The following IQSEC1 variants were observed in gnomAD, a reference collection of about 807,000 sequenced individuals.
The protein encoded by IQSEC1 is IQ motif and Sec7 domain ArfGEF 1.
In IQSEC1, 31 loss-of-function variants were observed where a neutral mutation model predicts 91.0. The observed-to-expected ratio is 0.34, with a 90% confidence interval of 0.26 to 0.46. IQSEC1 has a LOEUF of 0.46. Ranked by LOEUF, IQSEC1 falls within the 20% of genes least tolerant of loss-of-function variation. The pLI, the probability that IQSEC1 is intolerant of heterozygous loss-of-function variation, is 1.00. For synonymous variants in IQSEC1, 699 were observed against 662.6 expected (o/e 1.05, Z -0.84); for missense variants, 1,388 against 1,575.6 (o/e 0.88, Z 2.02).
chr3:13,258,965 C>T (rs1695336873), intron 1 of IQSEC1, among the ~76,000 whole-genome samples: 1 of 152,200 alleles, frequency 6.6e-6, no homozygotes, highest in Non-Finnish European at 1.5e-5. Flanking sequence ...CACCTCCATC[C>T]CCTTCCCTGG....
intron 1 of IQSEC1, among the ~76,000 whole-genome samples, chr3:12,954,364 C>T (rs1230891871): frequency 6.6e-6 from 1 of 152,168 alleles, no homozygotes; most frequent in Non-Finnish European, 1.5e-5. Flanking sequence ...TTCAGGGGCT[C>T]GCATGGGAAA....
intron 1 of IQSEC1, among the ~76,000 whole-genome samples, chr3:13,067,359 G>A (rs149873578): frequency 3.1e-4 from 47 of 152,312 alleles, no homozygotes; most frequent in African/African-American, 1.1e-3. Context: ...CAGGAGCAAC[G>A]CCTCCTAAGC....
Position 12,967,371 on chromosome 3 carries a change from C to G in IQSEC1, c.24-25506G>C. On this transcript the variant is annotated intron_variant, in intron 1 of 13. Coordinates refer to ENST00000613206, the MANE Select transcript of IQSEC1 (RefSeq NM_001134382.3). The surrounding 1 kb of genome is among the most constrained non-coding windows in gnomAD (Gnocchi z 5.9). The stretch of plus-strand genomic sequence containing the variant: ...CAGCACCCGGGAAGGCCGCTCGCCC[C>G]GCGCCGCGCCCTCACCCGCTGTCAA... The G allele has an allele frequency of 6.5e-7, 1 of 1,531,400 alleles. No individual in the cohort carries two copies. The highest frequency in any genetic ancestry group is 8.7e-7 in the Non-Finnish European group (1 of 1,142,880). 94.9% of individuals were successfully genotyped at this position (1,531,400 alleles called of 1,614,324 possible).
intron 1 of IQSEC1, among the ~76,000 whole-genome samples, chr3:12,971,324 C>A (rs1235176360): frequency 6.6e-6 from 1 of 152,174 alleles, no homozygotes; most frequent in East Asian, 1.9e-4. Flanking sequence ...ATGAGATGGC[C>A]ACAAGATGGG....
chr3:12,955,650 C>T (rs527486017), intron 1 of IQSEC1, among the ~76,000 whole-genome samples: 61 of 152,368 alleles, frequency 4.0e-4, no homozygotes, highest in African/African-American at 1.4e-3. Context: ...CAACCCCTAA[C>T]GCCAATCCTG....
At chr3:13,222,326 G>C (rs1694677194) in intron 1 of IQSEC1, among the ~76,000 whole-genome samples, 1 of 152,152 alleles carries the variant, frequency 6.6e-6, no homozygotes, top group Non-Finnish European at 1.5e-5. Context: ...TTCCTTTTTA[G>C]GGTGAATCAT....
At chr3:13,252,808 C>T (rs1695219976) in intron 1 of IQSEC1, among the ~76,000 whole-genome samples, 1 of 152,130 alleles carries the variant, frequency 6.6e-6, no homozygotes, top group East Asian at 1.9e-4. Context: ...TCTCAGCTCA[C>T]TGCCAGCTCC....
chr3:12,924,465 C>G lies in IQSEC1; in HGVS notation c.1730+116G>C. ...ACTTAGGAAGAGAGAAAGGGGGGCC[C>G]ACCACATGTCCCAGCAAGTAGGGTG... On this transcript the variant is annotated intron_variant, in intron 4 of 13. Transcript: ENST00000613206. The surrounding 1 kb of genome is among the most constrained non-coding windows in gnomAD (Gnocchi z 6.3). 6 of 1,068,132 alleles carry G rather than the reference C, an allele frequency of 5.6e-6. No individual in the cohort carries two copies. Among genetic ancestry groups the G allele is most frequent in the Non-Finnish European group, 6.6e-6 (5 of 759,128 alleles). The allele number at this position is 1,068,132 out of a possible 1,614,324, so 66.2% of individuals were successfully genotyped here. A position where few individuals can be genotyped will look rare whatever the true frequency, so the allele number is the denominator to read the frequency against.
chr3:12,961,975 A>C (rs970930526), intron 1 of IQSEC1, among the ~76,000 whole-genome samples: 3 of 152,200 alleles, frequency 2.0e-5, no homozygotes, highest in African/African-American at 7.2e-5. Context: ...CTGCCTCCCT[A>C]ACCATTGGGC....
intron 2 of IQSEC1, among the ~76,000 whole-genome samples, chr3:13,161,405 G>A (rs1297021685): frequency 6.6e-6 from 1 of 152,170 alleles, no homozygotes. Flanking sequence ...AGGATCCCAG[G>A]TTTGGGGACG....
chr3:13,053,001 C>A (rs1260317055), intron 1 of IQSEC1: 21 of 1,203,382 alleles, frequency 1.7e-5, no homozygotes, highest in Non-Finnish European at 2.5e-5. Context: ...CCAATGTCTC[C>A]TTTTGGAGTT....
intron 2 of IQSEC1, among the ~76,000 whole-genome samples, chr3:13,144,876 G>A (rs1706862510): frequency 2.0e-5 from 3 of 152,234 alleles, no homozygotes; most frequent in Admixed American, 1.3e-4. Flanking sequence ...GGGCCGAAGC[G>A]AATCCACAGG....
chr3:12,996,165 A>C (rs2125647772), intron 1 of IQSEC1, among the ~76,000 whole-genome samples: 1 of 152,294 alleles, frequency 6.6e-6, no homozygotes, highest in East Asian at 1.9e-4. Context: ...TGTCTCTTAA[A>C]AACACTTTTT....
intron 1 of IQSEC1, among the ~76,000 whole-genome samples, chr3:12,971,603 G>T (rs1241467746): frequency 6.6e-6 from 1 of 152,138 alleles, no homozygotes; most frequent in African/African-American, 2.4e-5. Context: ...ATTTATAAAA[G>T]AATCTACAGA....
rs117782841 is a variant in IQSEC1 at position 13,037,706 on chromosome 3, T to C, written c.23+35286A>G. On this transcript the variant is annotated intron_variant, in intron 1 of 13. Coordinates refer to ENST00000613206, the MANE Select transcript of IQSEC1 (RefSeq NM_001134382.3). The stretch of plus-strand genomic sequence containing the variant: ...TTAAAAGGAAGGACATTCTGACTCA[T>C]GCTACAACATGGATGAACCTTGAGG... 4.7e-3 allele frequency among the ~76,000 whole-genome samples: 722 copies of C among 152,328 alleles called. 50 individuals are homozygous for C. The South Asian group carries it at 0.11, about 24-fold the overall frequency.
chr3:13,268,300 C>T (rs1163663634), intron 1 of IQSEC1, among the ~76,000 whole-genome samples: 1 of 152,240 alleles, frequency 6.6e-6, no homozygotes. Flanking sequence ...AAGAACTTCA[C>T]CTCTTTGAGC....
At chr3:12,951,864 A>T (rs1462273031) in intron 1 of IQSEC1, among the ~76,000 whole-genome samples, 1 of 152,138 alleles carries the variant, frequency 6.6e-6, no homozygotes, top group Non-Finnish European at 1.5e-5. Flanking sequence ...GCCCTGGAGG[A>T]GCACACGTAA....
Position 12,986,640 on chromosome 3 carries a change from G to A in IQSEC1, c.24-44775C>T, listed in dbSNP as rs565010435. ...TACTGGCTGCGTCCTGCCAGGCCAG[G>A]CATGGGGCACCGCCTGGGGAAAGGC... On this transcript the variant is annotated intron_variant, in intron 1 of 13. Transcript: ENST00000613206. 6.8e-4 allele frequency among the ~76,000 whole-genome samples: 103 copies of A among 152,326 alleles called. 1 individual carries two copies. Among genetic ancestry groups the A allele is most frequent in the African/African-American group, 2.4e-3 (100 of 41,570 alleles).
At chr3:13,151,468 GTC>G (rs1706997551) in intron 2 of IQSEC1, among the ~76,000 whole-genome samples, 1 of 152,180 alleles carries the variant, frequency 6.6e-6, no homozygotes, top group Non-Finnish European at 1.5e-5. Flanking sequence ...CTAGCCCTGA[GTC>G]TCTCTGGCAT....
Sources: allele counts gnomAD v4.1 joint callset (sites outside exome capture counted in the v4.1 genomes callset), GRCh38; gene constraint gnomAD v4.1.1; non-coding constraint Gnocchi (gnomAD v3.1); transcripts MANE v1.5; gene names NCBI Gene and HGNC (gene_info 2026-07-23, HGNC 2026-07-21).